MTMR3: variants seen among roughly 807,000 people sequenced by gnomAD.
The protein encoded by MTMR3 is phosphatidylinositol-3,5-bisphosphate 3-phosphatase MTMR3.
A neutral mutation model predicts 132.4 loss-of-function variants in MTMR3; 32 were observed. The observed-to-expected ratio is 0.24, with a 90% confidence interval of 0.18 to 0.32. The LOEUF (loss-of-function observed/expected upper bound fraction) is 0.32. MTMR3 is among the 10% of genes least tolerant of loss of function. The pLI is 1.00. For missense variants in MTMR3, 1,216 were observed against 1,489.6 expected (o/e 0.82, Z 3.02); for synonymous variants, 556 against 550.3 (o/e 1.01, Z -0.14).
intron 1 of MTMR3, among the ~76,000 whole-genome samples, chr22:29,953,076 TA>T (rs1193590632): frequency 6.6e-6 from 1 of 152,198 alleles, no homozygotes; most frequent in South Asian, 2.1e-4. Context: ...AATGCATGTG[TA>T]AAAAAATCTA....
chr22:29,995,217 G>T (rs971442708), intron 7 of MTMR3: 2 of 152,290 alleles, frequency 1.3e-5, no homozygotes, highest in East Asian at 1.9e-4. Context: ...TTCCGGGTTT[G>T]AATGCAGTCC....
At chr22:29,906,278 G>GTCTATCTA (rs1473660646) in intron 1 of MTMR3, among the ~76,000 whole-genome samples, 38 of 68,344 alleles carry the variant, frequency 5.6e-4, no homozygotes, top group East Asian at 2.4e-3. Flanking sequence ...CTGTCTGTCT[G>GTCTATCTA]TCTGTCTGTC....
intron 1 of MTMR3, among the ~76,000 whole-genome samples, chr22:29,889,814 A>G (rs1418669206): frequency 1.3e-5 from 2 of 150,458 alleles, no homozygotes; most frequent in East Asian, 1.9e-4. Flanking sequence ...GATATTGTCA[A>G]TTTTTCTCTT....
Position 29,949,131 on chromosome 22 carries a change from ACACACACACACACCCCCCCCC to A in MTMR3, c.-137-7903_-137-7883del, listed in dbSNP as rs1169306613. Among the ~76,000 whole-genome samples the A allele has an allele frequency of 5.4e-3, 170 of 31,568 alleles. 13 individuals are homozygous for A. The highest frequency in any genetic ancestry group is 0.015 in the Admixed American group (48 of 3,102). 20.7% of individuals were successfully genotyped at this position (31,568 alleles called of 152,430 possible). A position where few individuals can be genotyped will look rare whatever the true frequency, so the allele number is the denominator to read the frequency against. On this transcript the variant is annotated intron_variant, in intron 1 of 19. Transcript: ENST00000401950. ...CACACACACACACACACACACACAC[ACACACACACACACCCCCCCCC>A]CCCCCCCCGAGGCCCTGTCTTAAAA...
chr22:29,971,970 T>C (rs1436847153), intron 3 of MTMR3, among the ~76,000 whole-genome samples: 2 of 152,252 alleles, frequency 1.3e-5, no homozygotes, highest in Non-Finnish European at 2.9e-5. Flanking sequence ...TAGGGACGTA[T>C]GGAAAATGCT....
intron 1 of MTMR3, among the ~76,000 whole-genome samples, chr22:29,951,212 A>G (rs902147397): frequency 1.3e-5 from 2 of 152,196 alleles, no homozygotes; most frequent in Non-Finnish European, 2.9e-5. Context: ...GCAAATCAGA[A>G]CATATACTTT....
intron 6 of MTMR3, 29 bp downstream of exon 6, chr22:29,988,591 G>T: frequency 6.6e-7 from 1 of 1,512,374 alleles, no homozygotes; most frequent in Non-Finnish European, 9.0e-7. Flanking sequence ...TTGTGTTGCT[G>T]TTTAGTGTGG....
At chr22:29,948,494 C>G (rs191655065) in intron 1 of MTMR3, among the ~76,000 whole-genome samples, 4 of 152,216 alleles carry the variant, frequency 2.6e-5, no homozygotes, top group African/African-American at 9.6e-5. Flanking sequence ...CAAATGTCTT[C>G]TAGAATTTAT....
chr22:29,991,924 A>G (rs2066969106), intron 7 of MTMR3: 1 of 311,334 alleles, frequency 3.2e-6, no homozygotes, highest in African/African-American at 2.1e-5. Flanking sequence ...GGTTTTATGA[A>G]TAGTATGGAA....
intron 4 of MTMR3, 88 bp downstream of exon 4, chr22:29,978,619 TTATA>T: frequency 1.1e-6 from 1 of 901,780 alleles, no homozygotes; most frequent in Non-Finnish European, 1.7e-6. Context: ...ACGTACTATA[TTATA>T]TATATATATA....
chr22:29,988,360 C>A, intron 5 of MTMR3, 120 bp from the exon 6 acceptor site: 1 of 571,724 alleles, frequency 1.7e-6, no homozygotes, highest in Non-Finnish European at 3.0e-6. Context: ...GATAAGTTTG[C>A]AGTTCTATTT....
At chr22:29,965,162 T>C (rs117994217) in intron 2 of MTMR3, among the ~76,000 whole-genome samples, 1,983 of 152,112 alleles carry the variant, frequency 0.013, 24 homozygotes, top group Non-Finnish European at 0.019. Flanking sequence ...TATTACCATC[T>C]TTTTCTGTCT....
chr22:29,907,730 TATTC>T (rs2065130802), intron 1 of MTMR3, among the ~76,000 whole-genome samples: 1 of 152,248 alleles, frequency 6.6e-6, no homozygotes, highest in African/African-American at 2.4e-5. Context: ...TCCTTTGTAT[TATTC>T]ATTCCCTCTC....
At chr22:29,905,601 ACTTC>A (rs2065078946) in intron 1 of MTMR3, among the ~76,000 whole-genome samples, 4 of 152,302 alleles carry the variant, frequency 2.6e-5, no homozygotes, top group Non-Finnish European at 5.9e-5. Context: ...TGGATAAGGT[ACTTC>A]CTTGATGTAA....
At chr22:29,898,235 T>C (rs2064940527) in intron 1 of MTMR3, among the ~76,000 whole-genome samples, 1 of 152,236 alleles carries the variant, frequency 6.6e-6, no homozygotes, top group Non-Finnish European at 1.5e-5. Context: ...TCAACAAATA[T>C]ACAAAGGTAA....
intron 1 of MTMR3, among the ~76,000 whole-genome samples, chr22:29,920,793 C>T (rs900488513): frequency 6.6e-6 from 1 of 151,964 alleles, no homozygotes; most frequent in African/African-American, 2.4e-5. Flanking sequence ...TGATACTGAC[C>T]AAATATAAAA....
intron 1 of MTMR3, among the ~76,000 whole-genome samples, chr22:29,897,061 T>C (rs150338758): frequency 6.6e-6 from 1 of 152,004 alleles, no homozygotes; most frequent in East Asian, 1.9e-4. Context: ...TCAGTAGATT[T>C]TTTTTCTTTT....
At chr22:30,021,146 T>A in intron 17 of MTMR3, 2 of 496,746 alleles carry the variant, frequency 4.0e-6, no homozygotes, top group Non-Finnish European at 7.3e-6. Context: ...GCATGGTTGA[T>A]CAGATCTCTC....
chr22:29,938,322 C>T (rs1602514988), intron 1 of MTMR3, among the ~76,000 whole-genome samples: 1 of 152,182 alleles, frequency 6.6e-6, no homozygotes, highest in African/African-American at 2.4e-5. Context: ...TATACCCACA[C>T]CCCCCTTTCT....
Sources: gnomAD v4.1 joint callset for allele counts (sites outside exome capture counted in the v4.1 genomes callset) on GRCh38, gnomAD v4.1.1 for gene constraint, MANE v1.5 for transcripts, NCBI Gene and HGNC (gene_info 2026-07-23, HGNC 2026-07-21) for gene names.